The following UPK2 variants were observed in gnomAD, a reference collection of about 807,000 sequenced individuals.
UPK2 encodes uroplakin-2.
In UPK2, 19 loss-of-function variants were observed where a neutral mutation model predicts 14.8. That is an observed-to-expected ratio of 1.29 (90% CI 0.90 to 1.89). The LOEUF (loss-of-function observed/expected upper bound fraction) is 1.89. Among genes scored for constraint, UPK2 ranks in the 40% most tolerant of loss-of-function variants. The probability of loss-of-function intolerance (pLI) is 0.00; values close to 1 mark genes in which losing one functional copy is unlikely to be tolerated. For synonymous variants in UPK2, 102 were observed against 101.6 expected, an observed-to-expected ratio of 1.00 and a Z score of -0.02; for missense variants, 232 against 236.0, an observed-to-expected ratio of 0.98 and a Z score of 0.11.
chr11:118,957,423 G>A (rs1281437336), intron 3 of UPK2, 77 bp downstream of exon 3: 1 of 1,586,614 alleles, frequency 6.3e-7, no homozygotes, highest in African/African-American at 1.3e-5. Context: ...GGGGAGATCT[G>A]GTGGGCATGA....
In UPK2 at chr11:118,958,129, G is replaced by C. The variant is rs1260677543; in HGVS notation, c.451G>C (p.Ala151Pro). ...CATGGAATCCATTGGGCTGGGTATG[G>C]CCCGCACAGGGGGCATGGTGGTCAT... ...RNMESIGLGM[A>P]RTGGMVVITV... Residue 151 changes from alanine to proline, a missense_variant, in exon 5 of 5, where the codon GCC becomes CCC. Ala to Pro is a conservative substitution (Grantham distance 27, BLOSUM62 -1). Transcript: ENST00000264031. The surrounding 1 kb of genome is among the most constrained non-coding windows in gnomAD (Gnocchi z 4.6). The C allele has an allele frequency of 6.2e-7, 1 of 1,614,006 alleles. No individual in the cohort carries two copies. The highest frequency in any genetic ancestry group is 2.2e-5 in the East Asian group (1 of 44,878).
In UPK2 at chr11:118,956,489, C is replaced by T; in HGVS notation, c.76+63C>T. 3 of 1,401,874 alleles carry T rather than the reference C, an allele frequency of 2.1e-6. No homozygotes were observed. The highest frequency in any genetic ancestry group is 2.4e-5 in the East Asian group (1 of 42,548). The allele number at this position is 1,401,874 out of a possible 1,614,324, so 86.8% of individuals were successfully genotyped here. On this transcript the variant is annotated intron_variant, in intron 1 of 4. Transcript: ENST00000264031. This position sits in a 1 kb window ranked among gnomAD's most constrained non-coding sequence, Gnocchi z 4.1. Reference sequence around the variant, plus strand: ...GGGGCCTGGACAGGGAGCACTGTACCTTCCAGGGCTCTCAAAGAGAGGTCT... The same window carrying T: ...GGGGCCTGGACAGGGAGCACTGTACTTTCCAGGGCTCTCAAAGAGAGGTCT...
Position 118,958,370 on chromosome 11 carries a change from A to T in UPK2, c.*137A>T. On this transcript the variant is annotated 3_prime_UTR_variant, in exon 5 of 5. Transcript: ENST00000264031. This position sits in a 1 kb window ranked among gnomAD's most constrained non-coding sequence, Gnocchi z 4.6. The stretch of plus-strand genomic sequence containing the variant: ...CTCCTCCTGCCCTCCTCTCCCCTAG[A>T]GCCCTCTCCTCCCTCTGTCCCTCTC... 1 of 987,498 alleles carries T rather than the reference A, an allele frequency of 1.0e-6. No homozygotes were observed. Among genetic ancestry groups the T allele is most frequent in the Non-Finnish European group, 1.4e-6 (1 of 691,050 alleles). 61.2% of individuals were successfully genotyped at this position (987,498 alleles called of 1,614,324 possible).
Position 118,958,298 on chromosome 11 carries a change from C to G in UPK2, c.*65C>G. 3 of 1,527,264 alleles carry G rather than the reference C, an allele frequency of 2.0e-6. No individual in the cohort carries two copies. Among genetic ancestry groups the G allele is most frequent in the South Asian group, 2.5e-5 (2 of 80,902 alleles). The allele number at this position is 1,527,264 out of a possible 1,614,324, so 94.6% of individuals were successfully genotyped here. On this transcript the variant is annotated 3_prime_UTR_variant, in exon 5 of 5. Coordinates refer to ENST00000264031, the MANE Select transcript of UPK2 (RefSeq NM_006760.4). This position sits in a 1 kb window ranked among gnomAD's most constrained non-coding sequence, Gnocchi z 4.6. Reference sequence around the variant, plus strand: ...GGGCACCATCCAGCTCCCCAGCCCACCTGCTCCCAGGCCCCAGGCCTGTGG... The same window carrying G: ...GGGCACCATCCAGCTCCCCAGCCCAGCTGCTCCCAGGCCCCAGGCCTGTGG...
intron 2 of UPK2, 68 bp downstream of exon 2, chr11:118,957,082 C>A (rs1050553580): frequency 6.2e-7 from 1 of 1,607,662 alleles, no homozygotes; most frequent in East Asian, 2.2e-5. Context: ...CCCTCTGCAC[C>A]CTTTTCCCCA....
Position 118,958,225 on chromosome 11 carries a change from C to T in UPK2, c.547C>T (p.Arg183Cys), listed in dbSNP as rs749777372. 1.4e-5 allele frequency: 22 copies of T among 1,613,114 alleles called. 1 individual carries two copies. The East Asian group carries it at 2.0e-4, about 15-fold the overall frequency. The stretch of plus-strand genomic sequence containing the variant: ...CATCATTGCCCTGGCACTGGGCTCC[C>T]GCAAGTAAGGAGGTCTGCCCGGAGC... ...GFIIALALGSRK is the reference protein window; with the variant it reads ...GFIIALALGSCK Residue 183 changes from arginine (R) to cysteine (C), a missense_variant, in exon 5 of 5, where the codon CGC becomes TGC. By Grantham distance (180) the Arg-to-Cys change is radical. Transcript: ENST00000264031. The surrounding 1 kb of genome is among the most constrained non-coding windows in gnomAD (Gnocchi z 4.6).
At position 118,958,034 on chromosome 11, in the gene UPK2, C is replaced by G; in HGVS notation, c.419-63C>G. 1.3e-6 allele frequency: 2 copies of G among 1,553,546 alleles called. No individual in the cohort carries two copies. Among genetic ancestry groups the G allele is most frequent in the South Asian group, 2.4e-5 (2 of 82,520 alleles). ...TCTGTTGGCTGGATGAGTGTGAGGC[C>G]GTGAGCCTCAGGCAGGCTGGGGGTC... On this transcript the variant is annotated intron_variant, in intron 4 of 4. Transcript: ENST00000264031. The surrounding 1 kb of genome is among the most constrained non-coding windows in gnomAD (Gnocchi z 4.6).
At position 118,957,285 on chromosome 11, in the gene UPK2, T is replaced by C; in HGVS notation, c.286T>C (p.Phe96Leu). ...GAGTGTGGTGGACAGTGGTGCTGGC[T>C]TCACAGTCACTCGGCTCAGTGCATA... Reference protein sequence around the residue: ...LVSVVDSGAGFTVTRLSAYQV... With the variant: ...LVSVVDSGAGLTVTRLSAYQV... Residue 96 changes from phenylalanine (F) to leucine (L), a missense_variant, in exon 3 of 5, where the codon TTC (phenylalanine) becomes CTC (leucine). Coordinates refer to ENST00000264031, the MANE Select transcript of UPK2 (RefSeq NM_006760.4). The C allele has an allele frequency of 6.2e-7, 1 of 1,614,144 alleles. No individual in the cohort carries two copies. The highest frequency in any genetic ancestry group is 8.5e-7 in the Non-Finnish European group (1 of 1,180,008).
Position 118,956,516 on chromosome 11 carries a change from G to A in UPK2, c.76+90G>A. The A allele has an allele frequency of 4.2e-6, 5 of 1,181,804 alleles. No individual in the cohort carries two copies. The highest frequency in any genetic ancestry group is 6.1e-6 in the Non-Finnish European group (5 of 823,812). The allele number at this position is 1,181,804 out of a possible 1,614,324, so 73.2% of individuals were successfully genotyped here. ...TCCAGGGCTCTCAAAGAGAGGTCTG[G>A]ACAGTTGGGAGTCAGGGCTGGTGAT... is the stretch of plus-strand genomic sequence containing the variant. On this transcript the variant is annotated intron_variant, in intron 1 of 4. Transcript: ENST00000264031. This position sits in a 1 kb window ranked among gnomAD's most constrained non-coding sequence, Gnocchi z 4.1.
In UPK2 at chr11:118,956,821, G is replaced by A. The variant is rs1321466972; in HGVS notation, c.77-62G>A. 8 of 1,605,632 alleles carry A rather than the reference G, an allele frequency of 5.0e-6. No individual in the cohort carries two copies. Among genetic ancestry groups the A allele is most frequent in the Non-Finnish European group, 6.8e-6 (8 of 1,175,148 alleles). On this transcript the variant is annotated intron_variant, in intron 1 of 4. Coordinates refer to ENST00000264031, the MANE Select transcript of UPK2 (RefSeq NM_006760.4). This position sits in a 1 kb window ranked among gnomAD's most constrained non-coding sequence, Gnocchi z 4.1. ...AAGGGAGATGGCTCCAATGGGACCG[G>A]GCCAGATCTGTTGGCCAGGAGGGGT...
At position 118,957,120 on chromosome 11, in the gene UPK2, T is replaced by G. The variant is rs972967671; in HGVS notation, c.209-88T>G. On this transcript the variant is annotated intron_variant, in intron 2 of 4. Coordinates refer to ENST00000264031, the MANE Select transcript of UPK2 (RefSeq NM_006760.4). ...CATGCCTTCCTGTCCACCCGTCTCC[T>G]GGGGTACCCACACTCTAAAAGCTGC... The G allele has an allele frequency of 3.8e-4, 611 of 1,607,324 alleles. 4 individuals carry two copies. Among genetic ancestry groups the G allele is most frequent in the Non-Finnish European group, 8.5e-5 (100 of 1,175,798 alleles).
chr11:118,956,994 G>A lies in UPK2; in HGVS notation c.188G>A (p.Arg63Gln), dbSNP rs780455250. The A allele has an allele frequency of 4.4e-5, 71 of 1,613,784 alleles. No homozygotes were observed. The highest frequency in any genetic ancestry group is 2.0e-4 in the Admixed American group (12 of 59,994). The change falls in exon 2 of 5, where the codon CGG becomes CAG. Residue 63 changes from arginine to glutamine, a missense_variant. Coordinates refer to ENST00000264031, the MANE Select transcript of UPK2 (RefSeq NM_006760.4). This position sits in a 1 kb window ranked among gnomAD's most constrained non-coding sequence, Gnocchi z 4.1. ...LTGGNATLMVRRANDSKVVTS... is the reference protein window; with the variant it reads ...LTGGNATLMVQRANDSKVVTS... Reference sequence around the variant, plus strand: ...GGAGGCAATGCCACACTGATGGTCCGGAGAGCCAATGACAGCAAAGGTCTG... The same window carrying A: ...GGAGGCAATGCCACACTGATGGTCCAGAGAGCCAATGACAGCAAAGGTCTG...
intron 4 of UPK2, among the ~76,000 whole-genome samples, 178 bp from the exon 5 acceptor site, chr11:118,957,919 A>G (rs1941577682): frequency 6.6e-6 from 1 of 152,132 alleles, no homozygotes; most frequent in African/African-American, 2.4e-5. Flanking sequence ...ATAAATGTCT[A>G]TGTGATGGGT....
At position 118,956,874 on chromosome 11, in the gene UPK2, T is replaced by C; in HGVS notation, c.77-9T>C. ...GTCCCCATCGGAGCTCCCTCCTGCC[T>C]CCCATCAGACTTCAACATCTCAAGC... is the stretch of plus-strand genomic sequence containing the variant. On this transcript the variant is annotated splice_polypyrimidine_tract_variant and intron_variant, in intron 1 of 4. Coordinates refer to ENST00000264031, the MANE Select transcript of UPK2 (RefSeq NM_006760.4). This position sits in a 1 kb window ranked among gnomAD's most constrained non-coding sequence, Gnocchi z 4.1. 6.2e-7 allele frequency: 1 copy of C among 1,613,826 alleles called. No individual in the cohort carries two copies. The highest frequency in any genetic ancestry group is 1.3e-5 in the African/African-American group (1 of 74,994).
intron 4 of UPK2, 38 bp downstream of exon 4, chr11:118,957,706 G>A: frequency 1.2e-6 from 2 of 1,610,220 alleles, no homozygotes; most frequent in Non-Finnish European, 1.7e-6. Flanking sequence ...CATCTCAGCG[G>A]CCACAAACGC....
At chr11:118,957,973 C>T (rs1592019668) in intron 4 of UPK2, 124 bp from the exon 5 acceptor site, 1 of 1,390,596 alleles carries the variant, frequency 7.2e-7, no homozygotes, top group Non-Finnish European at 9.7e-7. Flanking sequence ...GGTTGGCTGG[C>T]TGGCTGGCTG....
In UPK2 at chr11:118,957,262, G is replaced by C; in HGVS notation, c.263G>C (p.Ser88Thr). ...PPCRGRRELVSVVDSGAGFTV... is the reference protein window; with the variant it reads ...PPCRGRRELVTVVDSGAGFTV... Reference sequence around the variant, plus strand: ...TGCCGTGGGCGCAGGGAACTGGTGAGTGTGGTGGACAGTGGTGCTGGCTTC... The same window carrying C: ...TGCCGTGGGCGCAGGGAACTGGTGACTGTGGTGGACAGTGGTGCTGGCTTC... The change falls in exon 3 of 5, where the codon AGT becomes ACT. Residue 88 changes from serine (S) to threonine (T), a missense_variant. Coordinates refer to ENST00000264031, the MANE Select transcript of UPK2 (RefSeq NM_006760.4). 6.2e-7 allele frequency: 1 copy of C among 1,614,178 alleles called. No homozygotes were observed. The highest frequency in any genetic ancestry group is 8.5e-7 in the Non-Finnish European group (1 of 1,180,044).
Position 118,958,116 on chromosome 11 carries a change from T to A in UPK2, c.438T>A (p.Ile146=). 6.2e-7 allele frequency: 1 copy of A among 1,613,516 alleles called. No homozygotes were observed. Among genetic ancestry groups the A allele is most frequent in the Non-Finnish European group, 8.5e-7 (1 of 1,179,584 alleles). Residue 146 remains isoleucine (I), a synonymous_variant, in exon 5 of 5, where the codon ATT becomes ATA. Coordinates refer to ENST00000264031, the MANE Select transcript of UPK2 (RefSeq NM_006760.4). The surrounding 1 kb of genome is among the most constrained non-coding windows in gnomAD (Gnocchi z 4.6). Reference sequence around the variant, plus strand: ...TGACAGGAAGGAACATGGAATCCATTGGGCTGGGTATGGCCCGCACAGGGG... The same window carrying A: ...TGACAGGAAGGAACATGGAATCCATAGGGCTGGGTATGGCCCGCACAGGGG... The part of the protein sequence containing the change: ...STLPRRNMES[I]GLGMARTGGM...
At position 118,958,299 on chromosome 11, in the gene UPK2, C is replaced by T; in HGVS notation, c.*66C>T. On this transcript the variant is annotated 3_prime_UTR_variant, in exon 5 of 5. Transcript: ENST00000264031. The surrounding 1 kb of genome is among the most constrained non-coding windows in gnomAD (Gnocchi z 4.6). ...GGCACCATCCAGCTCCCCAGCCCAC[C>T]TGCTCCCAGGCCCCAGGCCTGTGGC... is the stretch of plus-strand genomic sequence containing the variant. The T allele has an allele frequency of 2.6e-6, 4 of 1,525,564 alleles. No individual in the cohort carries two copies. The highest frequency in any genetic ancestry group is 2.3e-5 in the East Asian group (1 of 42,836). The allele number at this position is 1,525,564 out of a possible 1,614,324, so 94.5% of individuals were successfully genotyped here.
Sources: gnomAD v4.1 joint callset for allele counts (sites outside exome capture counted in the v4.1 genomes callset) on GRCh38, gnomAD v4.1.1 for gene constraint, Gnocchi (gnomAD v3.1) non-coding constraint, MANE v1.5 for transcripts, NCBI Gene and HGNC (gene_info 2026-07-23, HGNC 2026-07-21) for gene names.